Variants in PID1 observed in about 807,000 individuals in gnomAD.
The protein encoded by PID1 is phosphotyrosine interaction domain containing 1, also known as PTB-containing, cubilin and LRP1-interacting protein.
A neutral mutation model predicts 19.1 loss-of-function variants in PID1; 10 were observed. The observed-to-expected ratio is 0.52, with a 90% CI of 0.32 to 0.89. The LOEUF (loss-of-function observed/expected upper bound fraction) is 0.89. PID1 is among the 40% of genes least tolerant of loss of function. The probability of loss-of-function intolerance (pLI) is 0.03; values close to 1 mark genes in which losing one functional copy is unlikely to be tolerated. For synonymous variants in PID1, 130 were observed against 116.0 expected (o/e 1.12, Z -0.78); for missense variants, 248 against 285.3 (o/e 0.87, Z 0.94).
At chr2:229,241,239 C>T (rs544350642) in intron 1 of PID1, among the ~76,000 whole-genome samples, 2 of 152,154 alleles carry the variant, frequency 1.3e-5, no homozygotes, top group South Asian at 4.1e-4. Context: ...CATTTTCCTG[C>T]CAGAATTTTT....
At chr2:229,190,770 T>G (rs1691244058) in intron 1 of PID1, among the ~76,000 whole-genome samples, 1 of 152,198 alleles carries the variant, frequency 6.6e-6, no homozygotes. Context: ...TGTTTGTTTT[T>G]TCTGTCTCAT....
At chr2:229,065,711 A>C (rs1269864183) in intron 2 of PID1, among the ~76,000 whole-genome samples, 19 of 90,836 alleles carry the variant, frequency 2.1e-4, no homozygotes, top group African/African-American at 7.2e-4. Context: ...TTTGTGATTT[A>C]CAAAAAAAAA....
At chr2:229,066,386 A>C (rs1285540051) in intron 2 of PID1, among the ~76,000 whole-genome samples, 2 of 152,198 alleles carry the variant, frequency 1.3e-5, no homozygotes, top group Admixed American at 1.3e-4. Flanking sequence ...GAGTTGAAGG[A>C]AGCCACTCAG....
intron 2 of PID1, among the ~76,000 whole-genome samples, chr2:229,091,507 G>A (rs947887146): frequency 1.3e-5 from 2 of 152,098 alleles, no homozygotes; most frequent in Non-Finnish European, 2.9e-5. Flanking sequence ...GGGGCCTCTT[G>A]GAAAATGGTT....
intron 2 of PID1, among the ~76,000 whole-genome samples, chr2:229,103,521 G>C (rs1695114311): frequency 6.6e-6 from 1 of 151,500 alleles, no homozygotes; most frequent in African/African-American, 2.4e-5. Context: ...GAAGTTTCAA[G>C]GTCACTGGTT....
intron 1 of PID1, among the ~76,000 whole-genome samples, chr2:229,162,224 G>A (rs1478889005): frequency 3.9e-5 from 6 of 152,180 alleles, no homozygotes; most frequent in African/African-American, 4.8e-5. Context: ...TTATGCAGAC[G>A]GGGTAATCGC....
intron 2 of PID1, among the ~76,000 whole-genome samples, chr2:229,137,028 C>A (rs10153609): frequency 0.39 from 60,003 of 151,982 alleles, 12,030 homozygotes; most frequent in South Asian, 0.57. Flanking sequence ...CATCATAATG[C>A]GGGAGAAATG....
intron 1 of PID1, among the ~76,000 whole-genome samples, chr2:229,237,932 A>C (rs1436299948): frequency 6.6e-6 from 1 of 152,212 alleles, no homozygotes; most frequent in African/African-American, 2.4e-5. Flanking sequence ...ATTTTAATTA[A>C]TGTTCTTCTT....
At chr2:229,066,896 T>C (rs148259680) in intron 2 of PID1, among the ~76,000 whole-genome samples, 91 of 152,288 alleles carry the variant, frequency 6.0e-4, no homozygotes, top group African/African-American at 2.1e-3. Flanking sequence ...AGGTTTCTTC[T>C]AACTCCATAG....
chr2:229,268,090 A>T (rs72981115), intron 1 of PID1, among the ~76,000 whole-genome samples: 1 of 152,174 alleles, frequency 6.6e-6, no homozygotes, highest in Non-Finnish European at 1.5e-5. Context: ...GTGGGATGCA[A>T]TAGAAGTTTT....
At chr2:229,228,381 T>C (rs142890403) in intron 1 of PID1, among the ~76,000 whole-genome samples, 17 of 152,348 alleles carry the variant, frequency 1.1e-4, no homozygotes, top group African/African-American at 3.8e-4. Context: ...TAACAATTTA[T>C]ATTTATATTT....
intron 2 of PID1, among the ~76,000 whole-genome samples, chr2:229,153,704 T>C (rs539441704): frequency 1.6e-4 from 24 of 152,330 alleles, no homozygotes; most frequent in Admixed American, 1.1e-3. Flanking sequence ...AAATGATGGT[T>C]TTTATTCTAG....
intron 2 of PID1, among the ~76,000 whole-genome samples, chr2:229,102,135 C>T (rs550110123): frequency 6.6e-6 from 1 of 152,240 alleles, no homozygotes; most frequent in South Asian, 2.1e-4. Flanking sequence ...CCCCTACGTC[C>T]TCCAGAAAGG....
chr2:229,139,051 A>AGCAAGCAAGCG (rs1689934589), intron 2 of PID1, among the ~76,000 whole-genome samples: 1 of 68,548 alleles, frequency 1.5e-5, no homozygotes, highest in Admixed American at 1.4e-4. Flanking sequence ...GAAAGAAAGA[A>AGCAAGCAAGCG]AGAAAGAGAA....
chr2:229,113,497 T>G (rs1695343005), intron 2 of PID1, among the ~76,000 whole-genome samples: 2 of 107,052 alleles, frequency 1.9e-5, no homozygotes, highest in Admixed American at 2.3e-4. Context: ...TACATGTATG[T>G]GTGTGTGTAT....
At chr2:229,060,742 A>G (rs780524562) in intron 2 of PID1, among the ~76,000 whole-genome samples, 1 of 152,066 alleles carries the variant, frequency 6.6e-6, no homozygotes. Flanking sequence ...CCAACAGTGC[A>G]CAAGATTTCC....
chr2:229,214,152 A>T (rs1186277113), intron 1 of PID1, among the ~76,000 whole-genome samples: 1 of 152,222 alleles, frequency 6.6e-6, no homozygotes, highest in African/African-American at 2.4e-5. Context: ...CTTTTCATTC[A>T]TACCATTTTG....
intron 2 of PID1, among the ~76,000 whole-genome samples, chr2:229,032,184 C>T (rs1464339473): frequency 6.6e-6 from 1 of 152,086 alleles, no homozygotes; most frequent in African/African-American, 2.4e-5. Context: ...GGCCATTATA[C>T]CTGTATATTT....
intron 1 of PID1, among the ~76,000 whole-genome samples, chr2:229,229,427 G>A (rs1692155470): frequency 6.6e-6 from 1 of 152,034 alleles, no homozygotes. Context: ...TGTTCTAGGA[G>A]TTCAAGATAA....
Sources: gnomAD v4.1 joint callset for allele counts (sites outside exome capture counted in the v4.1 genomes callset) on GRCh38, gnomAD v4.1.1 for gene constraint, MANE v1.5 for transcripts, NCBI Gene and HGNC (gene_info 2026-07-23, HGNC 2026-07-21) for gene names.